LHX4: variants seen among roughly 807,000 people sequenced by gnomAD.
LHX4 encodes the protein LIM/homeobox protein Lhx4.
In LHX4, 16 loss-of-function variants were observed where a neutral mutation model predicts 39.2. That is an observed-to-expected ratio of 0.41 (90% CI 0.28 to 0.62). The LOEUF (loss-of-function observed/expected upper bound fraction) is 0.62. LHX4 is among the 20% of genes least tolerant of loss of function. The pLI, the probability that LHX4 is intolerant of heterozygous loss-of-function variation, is 0.33. For missense variants in LHX4, 439 were observed against 511.9 expected, an observed-to-expected ratio of 0.86 and a Z score of 1.37; for synonymous variants, 206 against 198.1, an observed-to-expected ratio of 1.04 and a Z score of -0.33.
chr1:180,260,435 A>C (rs1648067483), intron 2 of LHX4, among the ~76,000 whole-genome samples: 1 of 151,612 alleles, frequency 6.6e-6, no homozygotes, highest in Non-Finnish European at 1.5e-5. Context: ...CCTGTCTTGC[A>C]CTGGTGAGCA....
At chr1:180,250,038 G>T (rs1256504739) in intron 2 of LHX4, among the ~76,000 whole-genome samples, 10 of 152,142 alleles carry the variant, frequency 6.6e-5, no homozygotes, top group Admixed American at 6.5e-4. Context: ...GGTGACATGG[G>T]TGCCCGGCAA....
intron 1 of LHX4, among the ~76,000 whole-genome samples, chr1:180,246,030 T>A (rs929973687): frequency 2.0e-5 from 3 of 151,838 alleles, no homozygotes; most frequent in African/African-American, 7.3e-5. Flanking sequence ...GAATCCTGTA[T>A]GTACTGGGAC....
chr1:180,273,860 A>G (rs1648841297), intron 5 of LHX4: 2 of 372,950 alleles, frequency 5.4e-6, no homozygotes, highest in East Asian at 1.2e-4. Context: ...CATCTGACCC[A>G]CCCAGCCTTA....
intron 5 of LHX4, chr1:180,273,514 G>A (rs1648818358): frequency 6.5e-6 from 1 of 152,694 alleles, no homozygotes; most frequent in African/African-American, 2.4e-5. Flanking sequence ...GCTCACCTCT[G>A]TTGGAGAGAG....
At chr1:180,271,635 G>T in intron 4 of LHX4, 101 bp downstream of exon 4, 1 of 1,482,560 alleles carries the variant, frequency 6.7e-7, no homozygotes. Context: ...TGGGCTCAGG[G>T]CTTGACCCCA....
rs1353953257 is a variant in LHX4 at position 180,274,186 on chromosome 1, G to A, written c.780G>A (p.Glu260=). 5.0e-6 allele frequency: 8 copies of A among 1,614,084 alleles called. No homozygotes were observed. Among genetic ancestry groups the A allele is most frequent in the South Asian group, 2.2e-5 (2 of 91,088 alleles). The change falls in exon 6 of 6, where the codon GAG becomes GAA. Residue 260 remains glutamate (E), a splice_region_variant and synonymous_variant. Coordinates refer to ENST00000263726, the MANE Select transcript of LHX4 (RefSeq NM_033343.4). ...AAATCTCCGTTCTTTTGTCCACAGA[G>A]GATCAAATTCTCTCAGAACTTGGCC... is the stretch of plus-strand genomic sequence containing the variant. ...GVSDSELSFR[E]DQILSELGHT...
intron 2 of LHX4, among the ~76,000 whole-genome samples, chr1:180,253,518 G>A (rs1571269640): frequency 6.6e-6 from 1 of 152,376 alleles, no homozygotes; most frequent in African/African-American, 2.4e-5. Context: ...CAAAAGGAGT[G>A]ATTTTCTCAG....
chr1:180,246,871 C>T (rs1647408871), intron 1 of LHX4, among the ~76,000 whole-genome samples: 1 of 152,186 alleles, frequency 6.6e-6, no homozygotes, highest in Non-Finnish European at 1.5e-5. Context: ...TAGCGATAAA[C>T]ATCTATGGCA....
intron 1 of LHX4, among the ~76,000 whole-genome samples, chr1:180,241,831 T>C (rs1188939524): frequency 6.6e-6 from 1 of 152,176 alleles, no homozygotes; most frequent in Non-Finnish European, 1.5e-5. Flanking sequence ...TTTGTTTTTG[T>C]TTTTGAGACA....
At chr1:180,247,672 T>TGC (rs1647442489) in intron 1 of LHX4, among the ~76,000 whole-genome samples, 1 of 152,188 alleles carries the variant, frequency 6.6e-6, no homozygotes, top group South Asian at 2.1e-4. Flanking sequence ...GAAGGCACAT[T>TGC]AGGATGAGGT....
Position 180,234,833 on chromosome 1 carries a change from G to A in LHX4, c.76+4228G>A, listed in dbSNP as rs1294095832. 1.3e-5 allele frequency among the ~76,000 whole-genome samples: 2 copies of A among 152,236 alleles called. No individual in the cohort carries two copies. The highest frequency in any genetic ancestry group is 2.4e-5 in the African/African-American group (1 of 41,470). The stretch of plus-strand genomic sequence containing the variant: ...AGGCGGGGCTACGCAGGGCTGAGCA[G>A]GAGTGGCGTCCTAGGGTCTGGGAGC... On this transcript the variant is annotated intron_variant, in intron 1 of 5. Transcript: ENST00000263726. This position sits in a 1 kb window ranked among gnomAD's most constrained non-coding sequence, Gnocchi z 4.8.
chr1:180,277,880 G>GT lies in LHX4; in HGVS notation c.*3301_*3302insT, dbSNP rs1044859976. On this transcript the variant is annotated 3_prime_UTR_variant, in exon 6 of 6. Coordinates refer to ENST00000263726, the MANE Select transcript of LHX4 (RefSeq NM_033343.4). ...GGCAGTGTCCTTAAACTTTTTTTGGGGGGGGGCAGTGTAAAACATGAAACC... is the reference window on the plus strand; with the variant it reads ...GGCAGTGTCCTTAAACTTTTTTTGGGTGGGGGGCAGTGTAAAACATGAAACC... 1 of 149,742 alleles carries GT rather than the reference G, an allele frequency of 6.7e-6. No homozygotes were observed. The highest frequency in any genetic ancestry group is 1.5e-5 in the Non-Finnish European group (1 of 67,332). 9.3% of individuals were successfully genotyped at this position (149,742 alleles called of 1,614,324 possible).
chr1:180,245,023 C>T (rs1156469719), intron 1 of LHX4, among the ~76,000 whole-genome samples: 1 of 152,230 alleles, frequency 6.6e-6, no homozygotes. Flanking sequence ...GCCTTGTTCA[C>T]ACATTCCTGC....
rs1648952481 is a variant in LHX4 at position 180,275,132 on chromosome 1, A to AAAAAC, written c.*555_*559dup. 1 of 152,346 alleles carries AAAAAC rather than the reference A, an allele frequency of 6.6e-6. No individual in the cohort carries two copies. Among genetic ancestry groups the AAAAAC allele is most frequent in the Non-Finnish European group, 1.5e-5 (1 of 68,120 alleles). 9.4% of individuals were successfully genotyped at this position (152,346 alleles called of 1,614,324 possible). On this transcript the variant is annotated 3_prime_UTR_variant, in exon 6 of 6. Coordinates refer to ENST00000263726, the MANE Select transcript of LHX4 (RefSeq NM_033343.4). ...ACACTTTGATGGCCAGTTTGATATT[A>AAAAAC]AAAACATGCCCCCTCCTTTTTTATT... is the stretch of plus-strand genomic sequence containing the variant.
At chr1:180,249,697 G>A (rs1240120634) in intron 2 of LHX4, among the ~76,000 whole-genome samples, 1 of 152,202 alleles carries the variant, frequency 6.6e-6, no homozygotes, top group Non-Finnish European at 1.5e-5. Context: ...GTTTCACTAT[G>A]GAGAATAAGT....
At chr1:180,229,467 C>A (rs942025923), upstream of LHX4, among the ~76,000 whole-genome samples, 1 of 152,142 alleles carries the variant, frequency 6.6e-6, no homozygotes, top group Non-Finnish European at 1.5e-5. Flanking sequence ...AGCCCCTGGT[C>A]CCCTTCCCCA....
In LHX4 at chr1:180,271,175, CTT is replaced by C. The variant is rs909539210; in HGVS notation, c.452-202_452-201del. ...AGCAGAGAAAGGACTGCTGTCCTCA[CTT>C]TTCAGTGGCTTGGGAAGGCCCGTGG... On this transcript the variant is annotated intron_variant, in intron 3 of 5. Coordinates refer to ENST00000263726, the MANE Select transcript of LHX4 (RefSeq NM_033343.4). 5 of 643,462 alleles carry C rather than the reference CTT, an allele frequency of 7.8e-6. No individual in the cohort carries two copies. The African/African-American group carries it at 8.9e-5, about 11-fold the overall frequency. The allele number at this position is 643,462 out of a possible 1,614,324, so 39.9% of individuals were successfully genotyped here.
At chr1:180,251,229 C>T (rs1400020906) in intron 2 of LHX4, among the ~76,000 whole-genome samples, 3 of 152,340 alleles carry the variant, frequency 2.0e-5, no homozygotes, top group East Asian at 3.9e-4. Flanking sequence ...AGTCCTAGCC[C>T]GCTGCTTTCC....
chr1:180,271,240 C>G, intron 3 of LHX4, 140 bp from the exon 4 acceptor site: 1 of 924,498 alleles, frequency 1.1e-6, no homozygotes, highest in Non-Finnish European at 1.8e-6. Context: ...GACCTCTCCA[C>G]TCTGATGTCC....
Sources: gnomAD v4.1 joint callset for allele counts (sites outside exome capture counted in the v4.1 genomes callset) on GRCh38, gnomAD v4.1.1 for gene constraint, Gnocchi (gnomAD v3.1) non-coding constraint, MANE v1.5 for transcripts, NCBI Gene and HGNC (gene_info 2026-07-23, HGNC 2026-07-21) for gene names.